The following CDH1 variants were observed in gnomAD, a reference collection of about 807,000 sequenced individuals.
The protein encoded by CDH1 is cadherin-1.
A neutral mutation model predicts 84.5 loss-of-function variants in CDH1; 35 were observed. The ratio of observed to expected loss-of-function variants is 0.41; its 90% CI spans 0.32 to 0.55. CDH1 has a LOEUF of 0.55. CDH1 is among the 20% of genes least tolerant of loss of function. The pLI is 0.19. For missense variants in CDH1, 994 were observed against 1,126.6 expected (o/e 0.88, Z 1.68); for synonymous variants, 417 against 439.0 (o/e 0.95, Z 0.63).
chr16:68,753,716 A>G (rs1597851391), intron 2 of CDH1, among the ~76,000 whole-genome samples: 1 of 152,212 alleles, frequency 6.6e-6, no homozygotes, highest in Admixed American at 6.5e-5. Flanking sequence ...GGCTAGATTT[A>G]GCAAATAACA....
chr16:68,778,281 T>C (rs1297768950), intron 2 of CDH1, among the ~76,000 whole-genome samples: 3 of 151,120 alleles, frequency 2.0e-5, no homozygotes, highest in Non-Finnish European at 4.4e-5. Context: ...TTCCTGACCT[T>C]GTGATCCGCC....
intron 2 of CDH1, among the ~76,000 whole-genome samples, chr16:68,753,851 G>A (rs1424247640): frequency 6.6e-6 from 1 of 152,030 alleles, no homozygotes; most frequent in Non-Finnish European, 1.5e-5. Context: ...AGGGCACGGT[G>A]GCCGACTGTA....
Position 68,758,207 on chromosome 16 carries a change from C to CTTTT in CDH1, c.163+19820_163+19823dup, listed in dbSNP as rs57413297. The stretch of plus-strand genomic sequence containing the variant: ...GCCTAGGGTAGGCTTCTTTTTATTT[C>CTTTT]TTTTTTTTTTTTTTTTTTTTTTTTT... On this transcript the variant is annotated intron_variant, in intron 2 of 15. Coordinates refer to ENST00000261769, the MANE Select transcript of CDH1 (RefSeq NM_004360.5). Among the ~76,000 whole-genome samples the CTTTT allele has an allele frequency of 3.0e-4, 12 of 40,048 alleles. 2 individuals carry two copies. Among genetic ancestry groups the CTTTT allele is most frequent in the African/African-American group, 6.3e-4 (6 of 9,558 alleles). 26.3% of individuals were successfully genotyped at this position (40,048 alleles called of 152,430 possible).
At chr16:68,744,589 C>T (rs1962673795) in intron 2 of CDH1, among the ~76,000 whole-genome samples, 1 of 152,092 alleles carries the variant, frequency 6.6e-6, no homozygotes, top group Non-Finnish European at 1.5e-5. Flanking sequence ...TTCCTCTTAC[C>T]TGCCTCCAAT....
intron 2 of CDH1, chr16:68,765,094 G>A (rs556420330): frequency 6.6e-6 from 1 of 152,368 alleles, no homozygotes; most frequent in South Asian, 2.1e-4. Flanking sequence ...AACAGATCCA[G>A]CATGGAGATA....
intron 2 of CDH1, among the ~76,000 whole-genome samples, chr16:68,752,663 G>A (rs1445829393): frequency 2.0e-5 from 3 of 152,030 alleles, no homozygotes; most frequent in Non-Finnish European, 4.4e-5. Context: ...CTCAGGGCGT[G>A]TGCCTCTGGT....
intron 2 of CDH1, among the ~76,000 whole-genome samples, chr16:68,743,295 CTT>C (rs1253474552): frequency 1.1e-4 from 1 of 8,758 alleles, no homozygotes; most frequent in Non-Finnish European, 2.4e-4. Context: ...TTCTTTCTTT[CTT>C]TCTTTCTTTC....
intron 2 of CDH1, among the ~76,000 whole-genome samples, chr16:68,769,566 C>T (rs898470430): frequency 2.0e-5 from 3 of 151,998 alleles, no homozygotes; most frequent in Non-Finnish European, 2.9e-5. Context: ...GCTTCAGTCT[C>T]CCAAAGTGTG....
At chr16:68,775,302 C>T (rs1959699386) in intron 2 of CDH1, among the ~76,000 whole-genome samples, 1 of 152,132 alleles carries the variant, frequency 6.6e-6, no homozygotes, top group African/African-American at 2.4e-5. Context: ...TCTCCTGAAC[C>T]ACAATGCCAT....
chr16:68,739,451 A>G (rs1962501013), intron 2 of CDH1, among the ~76,000 whole-genome samples: 1 of 151,860 alleles, frequency 6.6e-6, no homozygotes, highest in Non-Finnish European at 1.5e-5. Context: ...TTTTTTAGAG[A>G]CAGGAGTCTC....
At position 68,811,777 on chromosome 16, in the gene CDH1, C is replaced by T. The variant is rs529089668; in HGVS notation, c.926C>T (p.Pro309Leu). 1.2e-6 allele frequency: 2 copies of T among 1,614,148 alleles called. No individual in the cohort carries two copies. Among genetic ancestry groups the T allele is most frequent in the Non-Finnish European group, 1.7e-6 (2 of 1,180,020 alleles). Residue 309 changes from proline to leucine, a missense_variant, in exon 7 of 16, where the codon CCT becomes CTT. Physicochemically the swap from Pro to Leu is moderately conservative, Grantham distance 98. Around this residue, in one of 3 missense-constraint regions of CDH1, gnomAD observed 769 missense variants for 881.8 expected, o/e 0.87. Coordinates refer to ENST00000261769, the MANE Select transcript of CDH1 (RefSeq NM_004360.5). ...GCTTACACCATCCTCAGCCAAGATCCTGAGCTCCCTGACAAAAATATGTTC... is the reference window on the plus strand; with the variant it reads ...GCTTACACCATCCTCAGCCAAGATCTTGAGCTCCCTGACAAAAATATGTTC... ...AIAYTILSQD[P>L]ELPDKNMFTI...
chr16:68,737,704 G>A (rs970846104), intron 1 of CDH1, among the ~76,000 whole-genome samples: 21 of 152,282 alleles, frequency 1.4e-4, no homozygotes, highest in African/African-American at 4.8e-4. Context: ...CGAGGCGGGG[G>A]CGTCTGGCCG....
intron 3 of CDH1, among the ~76,000 whole-genome samples, chr16:68,804,376 G>A (rs1960595829): frequency 6.6e-6 from 1 of 152,006 alleles, no homozygotes; most frequent in Non-Finnish European, 1.5e-5. Flanking sequence ...GCCTCCTAAA[G>A]TGCTGGGATT....
intron 2 of CDH1, among the ~76,000 whole-genome samples, chr16:68,799,517 G>A (rs920933562): frequency 6.6e-6 from 1 of 152,022 alleles, no homozygotes; most frequent in African/African-American, 2.4e-5. Context: ...GACTGGAGCT[G>A]GAGAACCTTT....
intron 9 of CDH1, 115 bp from the exon 10 acceptor site, chr16:68,815,400 T>C: frequency 7.3e-7 from 1 of 1,363,694 alleles, no homozygotes; most frequent in Non-Finnish European, 1.0e-6. Flanking sequence ...GAAACCACAG[T>C]TACTTTTGCA....
At chr16:68,797,939 C>T (rs1239521527) in intron 2 of CDH1, among the ~76,000 whole-genome samples, 4 of 152,054 alleles carry the variant, frequency 2.6e-5, no homozygotes, top group Admixed American at 6.5e-5. Flanking sequence ...ATTAGCTGGG[C>T]GTGGTGGTGT....
chr16:68,743,618 A>G lies in CDH1; in HGVS notation c.163+5207A>G, dbSNP rs775575980. 2.8e-4 allele frequency among the ~76,000 whole-genome samples: 43 copies of G among 151,978 alleles called. 1 individual carries two copies. Among genetic ancestry groups the G allele is most frequent in the Middle Eastern group, 3.4e-3 (1 of 294 alleles). ...GAGCTCAAAGTGGTCTACCTGCCTCAGCCTCCCTAAGTGCTGGGATTACAG... is the reference window on the plus strand; with the variant it reads ...GAGCTCAAAGTGGTCTACCTGCCTCGGCCTCCCTAAGTGCTGGGATTACAG... On this transcript the variant is annotated intron_variant, in intron 2 of 15. Coordinates refer to ENST00000261769, the MANE Select transcript of CDH1 (RefSeq NM_004360.5).
rs1190318676 is a variant in CDH1, at chr16:68,801,713, T to C, written c.207T>C (p.Phe69=). ...DCTGRQRTAY[F]SLDTRFKVGT... is the part of the protein sequence containing the mutation. Reference sequence around the variant, plus strand: ...CCGGTCGACAAAGGACAGCCTATTTTTCCCTCGACACCCGATTCAAAGTGG... The same window carrying C: ...CCGGTCGACAAAGGACAGCCTATTTCTCCCTCGACACCCGATTCAAAGTGG... The change falls in exon 3 of 16, where the codon TTT becomes TTC. Residue 69 remains phenylalanine, a synonymous_variant. Coordinates refer to ENST00000261769, the MANE Select transcript of CDH1 (RefSeq NM_004360.5). 1 of 1,614,108 alleles carries C rather than the reference T, an allele frequency of 6.2e-7. No individual in the cohort carries two copies. The highest frequency in any genetic ancestry group is 8.5e-7 in the Non-Finnish European group (1 of 1,180,046).
chr16:68,828,081 G>C (rs1961367767), intron 13 of CDH1, 93 bp from the exon 14 acceptor site: 2 of 1,443,990 alleles, frequency 1.4e-6, no homozygotes. Flanking sequence ...ACTGCCCCCT[G>C]TCTGGTATGA....
Sources: allele counts gnomAD v4.1 joint callset (sites outside exome capture counted in the v4.1 genomes callset), GRCh38; gene constraint gnomAD v4.1.1; regional missense constraint gnomAD v4.1.1; transcripts MANE v1.5; gene names NCBI Gene and HGNC (gene_info 2026-07-23, HGNC 2026-07-21).